Variants in OR1J2 observed in about 807,000 individuals in gnomAD.
The protein encoded by OR1J2 is olfactory receptor 1J2.
For synonymous variants in OR1J2, 142 were observed against 99.7 expected (o/e 1.42, Z -2.52); for missense variants, 304 against 246.1 (o/e 1.24, Z -1.57).
chr9:122,479,930 A>G, the OR1J2 span, among the ~76,000 whole-genome samples: 1 of 152,212 alleles, frequency 6.6e-6, no homozygotes, highest in African/African-American at 2.4e-5. Flanking sequence ...GCTTTGCTCT[A>G]ACAATCCTGG....
the OR1J2 span, among the ~76,000 whole-genome samples, chr9:122,499,046 G>T: frequency 6.6e-6 from 1 of 152,226 alleles, no homozygotes; most frequent in Non-Finnish European, 1.5e-5. Context: ...TTGTTTACTG[G>T]CAGAAGCTCC....
At chr9:122,509,814 T>C (rs1443816684), upstream of OR1J2, among the ~76,000 whole-genome samples, 4 of 152,208 alleles carry the variant, frequency 2.6e-5, no homozygotes, top group African/African-American at 9.7e-5. Flanking sequence ...GGAAGTCATG[T>C]TGAAAGGTAG....
At chr9:122,493,250 T>C in the OR1J2 span, among the ~76,000 whole-genome samples, 2 of 152,180 alleles carry the variant, frequency 1.3e-5, no homozygotes, top group African/African-American at 2.4e-5. Context: ...CCTTTCTCTA[T>C]TTTTTGGAAT....
At chr9:122,533,943 C>A in the OR1J2 span, among the ~76,000 whole-genome samples, 1 of 152,176 alleles carries the variant, frequency 6.6e-6, no homozygotes, top group Non-Finnish European at 1.5e-5. Flanking sequence ...ATCAGAGAGC[C>A]TTGGGCCAGA....
the OR1J2 span, among the ~76,000 whole-genome samples, chr9:122,549,993 A>G: frequency 2.1e-3 from 313 of 152,260 alleles, 1 homozygote; most frequent in African/African-American, 7.1e-3. Context: ...ATCCATGATC[A>G]TGGGATGTTT....
chr9:122,477,438 C>T, the OR1J2 span: 2 of 1,613,924 alleles, frequency 1.2e-6, no homozygotes, highest in Non-Finnish European at 1.7e-6. Context: ...AAAGCTGGGC[C>T]AGGAGGAGGG....
the OR1J2 span, among the ~76,000 whole-genome samples, chr9:122,494,668 G>T: frequency 7.9e-5 from 12 of 152,080 alleles, no homozygotes; most frequent in Non-Finnish European, 1.6e-4. Context: ...AGAGCATTTA[G>T]GCCATTTACA....
chr9:122,549,926 T>C, the OR1J2 span, among the ~76,000 whole-genome samples: 9 of 152,164 alleles, frequency 5.9e-5, no homozygotes, highest in African/African-American at 2.2e-4. Flanking sequence ...AGGAATTGCA[T>C]TGAATCTATA....
chr9:122,531,156 A>G, the OR1J2 span, among the ~76,000 whole-genome samples: 1 of 152,166 alleles, frequency 6.6e-6, no homozygotes, highest in African/African-American at 2.4e-5. Flanking sequence ...GTGGGAACCT[A>G]GAGTGGGAGA....
the OR1J2 span, among the ~76,000 whole-genome samples, chr9:122,490,385 T>G: frequency 1.3e-5 from 2 of 152,230 alleles, no homozygotes; most frequent in African/African-American, 4.8e-5. Flanking sequence ...TTGCTTATTA[T>G]ATCAATTTGC....
the OR1J2 span, chr9:122,526,655 G>A: frequency 1.2e-6 from 2 of 1,614,146 alleles, no homozygotes; most frequent in Non-Finnish European, 1.7e-6. Context: ...TGTAGGAGGT[G>A]ACAATGCATA....
the OR1J2 span, chr9:122,477,178 A>T: frequency 1.2e-6 from 2 of 1,613,874 alleles, no homozygotes; most frequent in East Asian, 4.5e-5. Flanking sequence ...CCGATAATAG[A>T]TAGTCACCAC....
At chr9:122,502,735 A>G in the OR1J2 span, among the ~76,000 whole-genome samples, 7 of 151,816 alleles carry the variant, frequency 4.6e-5, no homozygotes, top group South Asian at 6.2e-4. Flanking sequence ...AGGAGTAACC[A>G]TATCTTTAGG....
the OR1J2 span, among the ~76,000 whole-genome samples, chr9:122,574,039 G>T: frequency 6.6e-6 from 1 of 152,112 alleles, no homozygotes; most frequent in Non-Finnish European, 1.5e-5. Flanking sequence ...AGTTGCGTGG[G>T]TCTATTTCTT....
chr9:122,570,652 G>C, the OR1J2 span, among the ~76,000 whole-genome samples: 40 of 152,106 alleles, frequency 2.6e-4, no homozygotes, highest in Non-Finnish European at 1.5e-5. Flanking sequence ...CAGCGTCATC[G>C]TCCCTTATCT....
the OR1J2 span, among the ~76,000 whole-genome samples, chr9:122,551,536 G>C: frequency 6.6e-6 from 1 of 152,190 alleles, no homozygotes; most frequent in Non-Finnish European, 1.5e-5. Context: ...CCTAGGACAT[G>C]GGACAAGTGC....
downstream of OR1J2, among the ~76,000 whole-genome samples, chr9:122,514,234 A>G (rs1461236254): frequency 2.6e-5 from 4 of 152,168 alleles, no homozygotes; most frequent in South Asian, 2.1e-4. Flanking sequence ...TACAAATGAT[A>G]TATCATCACC....
At chr9:122,504,896 G>C in the OR1J2 span, among the ~76,000 whole-genome samples, 1 of 152,182 alleles carries the variant, frequency 6.6e-6, no homozygotes, top group African/African-American at 2.4e-5. Flanking sequence ...AGTGCACCAA[G>C]TGTCTGGCGT....
chr9:122,458,977 C>T, the OR1J2 span, among the ~76,000 whole-genome samples: 1 of 151,930 alleles, frequency 6.6e-6, no homozygotes, highest in Admixed American at 6.6e-5. Context: ...CTCTTTTCAT[C>T]CTCCCTACCC....
Sources: allele counts gnomAD v4.1 joint callset (sites outside exome capture counted in the v4.1 genomes callset), GRCh38; gene constraint gnomAD v4.1.1; transcripts MANE v1.5; gene names NCBI Gene and HGNC (gene_info 2026-07-23, HGNC 2026-07-21).